WNT5A: variants seen among roughly 807,000 people sequenced by gnomAD.
The protein encoded by WNT5A is protein Wnt-5a.
In WNT5A, 9 loss-of-function variants were observed where a neutral mutation model predicts 42.1. The observed-to-expected ratio is 0.21, with a 90% CI of 0.13 to 0.37. The LOEUF (loss-of-function observed/expected upper bound fraction) is 0.37. Among genes scored for constraint, WNT5A ranks in the 10% least tolerant of loss-of-function variants. The pLI is 1.00. For missense variants in WNT5A, 426 were observed against 534.0 expected, an observed-to-expected ratio of 0.80 and a Z score of 1.99; for synonymous variants, 210 against 210.0, an observed-to-expected ratio of 1.00 and a Z score of 0.00.
intron 3 of WNT5A, among the ~76,000 whole-genome samples, chr3:55,475,979 T>G (rs1184116069): frequency 6.6e-6 from 1 of 151,996 alleles, no homozygotes; most frequent in Non-Finnish European, 1.5e-5. Flanking sequence ...AAAATAAGGG[T>G]ACTGAAATAC....
chr3:55,476,724 G>C (rs1472877821), intron 3 of WNT5A, among the ~76,000 whole-genome samples: 2 of 152,180 alleles, frequency 1.3e-5, no homozygotes. Flanking sequence ...AGTTTGAAAA[G>C]TATTCTTTGG....
chr3:55,472,372 T>C (rs2051268375), intron 4 of WNT5A, among the ~76,000 whole-genome samples: 1 of 152,224 alleles, frequency 6.6e-6, no homozygotes, highest in Non-Finnish European at 1.5e-5. Flanking sequence ...ATATCAAATA[T>C]GGGCATACCC....
the WNT5A span, among the ~76,000 whole-genome samples, chr3:55,502,674 C>A: frequency 6.6e-6 from 1 of 152,176 alleles, no homozygotes; most frequent in Non-Finnish European, 1.5e-5. Flanking sequence ...TGTTGAACAG[C>A]ATGGCAAAGA....
At position 55,479,264 on chromosome 3, in the gene WNT5A, CT is replaced by C. The variant is rs775464238; in HGVS notation, c.391+49del. 71 of 1,442,058 alleles carry C rather than the reference CT, an allele frequency of 4.9e-5. 1 individual carries two copies. The highest frequency in any genetic ancestry group is 2.8e-4 in the East Asian group (11 of 39,804). The allele number at this position is 1,442,058 out of a possible 1,614,324, so 89.3% of individuals were successfully genotyped here. On this transcript the variant is annotated intron_variant, in intron 3 of 4. Transcript: ENST00000264634. ...ATGAAGTAAATGCTAAGGATTTCTT[CT>C]AGGAAAAAAAGTTAATGTTTTAAAA... is the stretch of plus-strand genomic sequence containing the variant.
At chr3:55,502,419 G>C in the WNT5A span, among the ~76,000 whole-genome samples, 1 of 152,076 alleles carries the variant, frequency 6.6e-6, no homozygotes, top group African/African-American at 2.4e-5. Flanking sequence ...ACTTTTTGTG[G>C]AATCAAAAGT....
intron 3 of WNT5A, among the ~76,000 whole-genome samples, chr3:55,477,788 G>A (rs1461972050): frequency 2.6e-5 from 4 of 152,160 alleles, no homozygotes; most frequent in Non-Finnish European, 5.9e-5. Context: ...TCAAAGCTGT[G>A]TTCAAGTGAC....
intron 4 of WNT5A, among the ~76,000 whole-genome samples, chr3:55,473,797 T>A (rs894352632): frequency 1.3e-5 from 2 of 151,832 alleles, no homozygotes; most frequent in Admixed American, 6.6e-5. Flanking sequence ...CTTTCCCATC[T>A]GGGCACCTAC....
chr3:55,482,411 C>T (rs2051485894), intron 1 of WNT5A, among the ~76,000 whole-genome samples: 1 of 152,160 alleles, frequency 6.6e-6, no homozygotes, highest in Non-Finnish European at 1.5e-5. Flanking sequence ...CGCCCATAGC[C>T]CCTGAAGGAG....
At position 55,479,570 on chromosome 3, in the gene WNT5A, AG is replaced by A. The variant is rs772529559; in HGVS notation, c.141-7del. Reference sequence around the variant, plus strand: ...GGTTATTCATACCTAGCGACCTGCAAGGGGGGGAGATGTGCATTCAAGATTT... The same window carrying A: ...GGTTATTCATACCTAGCGACCTGCAAGGGGGGAGATGTGCATTCAAGATTT... On this transcript the variant is annotated splice_region_variant and splice_polypyrimidine_tract_variant and intron_variant, in intron 2 of 4. Transcript: ENST00000264634. 8.9e-6 allele frequency: 14 copies of A among 1,574,764 alleles called. No homozygotes were observed. The East Asian group carries it at 9.1e-5, about 10-fold the overall frequency.
upstream of WNT5A, among the ~76,000 whole-genome samples, chr3:55,492,785 C>G (rs1293470310): frequency 1.6e-4 from 25 of 152,192 alleles, no homozygotes; most frequent in Admixed American, 1.6e-3. Flanking sequence ...TGCCTTGTTT[C>G]ATCCTCACTA....
At chr3:55,473,068 C>T (rs980653084) in intron 4 of WNT5A, among the ~76,000 whole-genome samples, 1 of 152,148 alleles carries the variant, frequency 6.6e-6, no homozygotes, top group Non-Finnish European at 1.5e-5. Flanking sequence ...GCATTTTAAC[C>T]CAGATTTCTC....
At chr3:55,474,092 C>T (rs1038160293) in intron 4 of WNT5A, among the ~76,000 whole-genome samples, 2 of 151,148 alleles carry the variant, frequency 1.3e-5, no homozygotes, top group East Asian at 2.0e-4. Flanking sequence ...AGAGAGAGAC[C>T]GGGAAGGAGG....
chr3:55,473,579 A>G (rs2051292801), intron 4 of WNT5A, among the ~76,000 whole-genome samples: 1 of 152,208 alleles, frequency 6.6e-6, no homozygotes, highest in African/African-American at 2.4e-5. Context: ...CTCCCTGGGT[A>G]CTTCTGCTGC....
chr3:55,497,958 A>T, the WNT5A span, among the ~76,000 whole-genome samples: 1 of 152,244 alleles, frequency 6.6e-6, no homozygotes, highest in African/African-American at 2.4e-5. Flanking sequence ...TCTACTTGTC[A>T]TCTACAGAGG....
At chr3:55,492,444 A>C (rs2051670391), upstream of WNT5A, among the ~76,000 whole-genome samples, 1 of 152,152 alleles carries the variant, frequency 6.6e-6, no homozygotes, top group Non-Finnish European at 1.5e-5. Context: ...TAATGTACAA[A>C]AGACCTTGGT....
At chr3:55,478,960 G>C (rs1411637740) in intron 3 of WNT5A, 2 of 163,388 alleles carry the variant, frequency 1.2e-5, no homozygotes, top group African/African-American at 4.8e-5. Context: ...AGGCAAGAGA[G>C]TTTCGACGTT....
chr3:55,484,290 T>G (rs1471922027), intron 1 of WNT5A, among the ~76,000 whole-genome samples: 2 of 151,984 alleles, frequency 1.3e-5, no homozygotes, highest in African/African-American at 4.8e-5. Flanking sequence ...GCCAAAAACT[T>G]GGGACGTCCT....
chr3:55,503,175 C>T, the WNT5A span, among the ~76,000 whole-genome samples: 4 of 152,186 alleles, frequency 2.6e-5, no homozygotes, highest in Non-Finnish European at 2.9e-5. Context: ...AAAACCCTGA[C>T]GTGGCAAATG....
At chr3:55,500,212 A>G in the WNT5A span, among the ~76,000 whole-genome samples, 1 of 152,204 alleles carries the variant, frequency 6.6e-6, no homozygotes, top group Non-Finnish European at 1.5e-5. Context: ...GCTACCCTGC[A>G]GGATTGCACC....
Sources: allele counts gnomAD v4.1 joint callset (sites outside exome capture counted in the v4.1 genomes callset), GRCh38; gene constraint gnomAD v4.1.1; transcripts MANE v1.5; gene names NCBI Gene and HGNC (gene_info 2026-07-23, HGNC 2026-07-21).